The following ANK2 variants were observed in gnomAD, a reference collection of about 807,000 sequenced individuals.
The protein encoded by ANK2 is ankyrin 2.
In ANK2, 83 loss-of-function variants were observed where a neutral mutation model predicts 360.5. That is an observed-to-expected ratio of 0.23 (90% CI 0.19 to 0.28). The LOEUF is 0.28. ANK2 is among the 10% of genes least tolerant of loss of function. ANK2 has a pLI of 1.00. For missense variants in ANK2, 4,201 were observed against 4,795.7 expected, an observed-to-expected ratio of 0.88 and a Z score of 3.66; for synonymous variants, 1,740 against 1,759.5, an observed-to-expected ratio of 0.99 and a Z score of 0.28.
chr4:113,380,306 C>T (rs568662368), intron 45 of ANK2, among the ~76,000 whole-genome samples: 11 of 151,782 alleles, frequency 7.2e-5, no homozygotes, highest in Non-Finnish European at 1.6e-4. Context: ...GAGCAAATTA[C>T]TTTTAAGTAC....
chr4:113,266,831 C>T (rs1041344345), intron 14 of ANK2, among the ~76,000 whole-genome samples: 1 of 152,006 alleles, frequency 6.6e-6, no homozygotes, highest in African/African-American at 2.4e-5. Flanking sequence ...GAGCTGAGAT[C>T]GTGCCATTGC....
intron 1 of ANK2, among the ~76,000 whole-genome samples, chr4:112,828,540 G>A (rs955404678): frequency 1.8e-4 from 28 of 152,020 alleles, no homozygotes; most frequent in African/African-American, 5.8e-4. Context: ...GCTGAATTAA[G>A]GACTTAAATA....
At chr4:112,826,686 A>G (rs878970389) in intron 1 of ANK2, 9 of 909,256 alleles carry the variant, frequency 9.9e-6, no homozygotes, top group South Asian at 4.8e-5. Flanking sequence ...GACCATTCAG[A>G]AATCTGGATA....
chr4:112,752,121 A>G, the ANK2 span, among the ~76,000 whole-genome samples: 1 of 152,224 alleles, frequency 6.6e-6, no homozygotes, highest in African/African-American at 2.4e-5. Flanking sequence ...GAGAAATTCA[A>G]GGGAGCAGGG....
intron 4 of ANK2, among the ~76,000 whole-genome samples, chr4:113,207,862 C>T (rs758553050): frequency 2.6e-5 from 4 of 152,022 alleles, no homozygotes; most frequent in Admixed American, 6.6e-5. Context: ...AGGGGGCATG[C>T]GGAAGAAGAC....
At chr4:112,756,974 A>T in the ANK2 span, among the ~76,000 whole-genome samples, 1 of 152,152 alleles carries the variant, frequency 6.6e-6, no homozygotes, top group African/African-American at 2.4e-5. Flanking sequence ...CTCCATCTCA[A>T]AAGAAAAAGG....
chr4:112,809,733 C>G, the ANK2 span, among the ~76,000 whole-genome samples: 2 of 149,588 alleles, frequency 1.3e-5, no homozygotes, highest in Non-Finnish European at 3.0e-5. Flanking sequence ...AATACAACAA[C>G]TGAGGTGGGA....
intron 2 of ANK2, among the ~76,000 whole-genome samples, chr4:113,195,198 C>G (rs2098730430): frequency 6.6e-6 from 1 of 152,062 alleles, no homozygotes. Flanking sequence ...TTCTCTGACT[C>G]TAGCATCATA....
At chr4:112,879,349 G>C (rs2076096539) in intron 1 of ANK2, among the ~76,000 whole-genome samples, 1 of 152,158 alleles carries the variant, frequency 6.6e-6, no homozygotes, top group Admixed American at 6.5e-5. Context: ...CTGCCGTGGT[G>C]TATGACCTGC....
the ANK2 span, among the ~76,000 whole-genome samples, chr4:112,790,335 T>G: frequency 6.6e-6 from 1 of 152,188 alleles, no homozygotes; most frequent in Non-Finnish European, 1.5e-5. Flanking sequence ...AATGTACTAA[T>G]TTGTCTTCAT....
At chr4:113,287,784 C>A in intron 19 of ANK2, 81 bp downstream of exon 19, 1 of 1,125,782 alleles carries the variant, frequency 8.9e-7, no homozygotes, top group Non-Finnish European at 1.3e-6. Flanking sequence ...CACCCCATGT[C>A]CAGGGTCTTC....
chr4:112,896,002 C>A (rs758561645), intron 1 of ANK2, among the ~76,000 whole-genome samples: 34 of 152,192 alleles, frequency 2.2e-4, no homozygotes, highest in Non-Finnish European at 7.3e-5. Flanking sequence ...CCTCAGCATG[C>A]TGCATAATGA....
At chr4:113,157,146 T>A (rs7658364) in intron 1 of ANK2, among the ~76,000 whole-genome samples, 104,069 of 151,998 alleles carry the variant, frequency 0.68, 36,206 homozygotes, top group African/African-American at 0.8. Context: ...ATTATGGGTT[T>A]CATTTCTACT....
chr4:112,773,420 C>T, the ANK2 span, among the ~76,000 whole-genome samples: 15 of 152,330 alleles, frequency 9.8e-5, no homozygotes, highest in African/African-American at 1.9e-4. Flanking sequence ...GCCAAAAACA[C>T]GCATGGGTTT....
At chr4:113,278,332 C>CT (rs2061007314) in intron 16 of ANK2, 128 bp from the exon 17 acceptor site, 1 of 802,450 alleles carries the variant, frequency 1.2e-6, no homozygotes, top group African/African-American at 1.7e-5. Flanking sequence ...TATTTTCGTT[C>CT]TTTTTTCTAT....
At chr4:113,272,130 T>C (rs542751616) in intron 14 of ANK2, among the ~76,000 whole-genome samples, 2 of 152,330 alleles carry the variant, frequency 1.3e-5, no homozygotes, top group South Asian at 4.1e-4. Context: ...AGCTAGTAAC[T>C]AGTAATAGAA....
chr4:113,083,545 A>T (rs577727419), intron 1 of ANK2, among the ~76,000 whole-genome samples: 1 of 152,264 alleles, frequency 6.6e-6, no homozygotes, highest in East Asian at 1.9e-4. Context: ...CTTCCTCCAG[A>T]TGTAAAATCC....
At chr4:112,976,632 T>C (rs569181069) in intron 2 of ANK2, among the ~76,000 whole-genome samples, 1 of 152,202 alleles carries the variant, frequency 6.6e-6, no homozygotes, top group Admixed American at 6.5e-5. Context: ...AAACTGATAG[T>C]AGAAATGTAA....
At chr4:113,126,611 G>C (rs571282384) in intron 1 of ANK2, among the ~76,000 whole-genome samples, 1 of 152,298 alleles carries the variant, frequency 6.6e-6, no homozygotes, top group African/African-American at 2.4e-5. Flanking sequence ...AGGAATCAAA[G>C]CCTGGGTGTG....
Sources: gnomAD v4.1 joint callset for allele counts (sites outside exome capture counted in the v4.1 genomes callset) on GRCh38, gnomAD v4.1.1 for gene constraint, MANE v1.5 for transcripts, NCBI Gene and HGNC (gene_info 2026-07-23, HGNC 2026-07-21) for gene names.